The following GDPD5 variants were observed in gnomAD, a reference collection of about 807,000 sequenced individuals.
GDPD5 encodes the protein glycerophosphodiester phosphodiesterase domain containing 5, also known as glycerophosphodiester phosphodiesterase 2.
A neutral mutation model predicts 75.1 loss-of-function variants in GDPD5; 48 were observed. The ratio of observed to expected loss-of-function variants is 0.64; its 90% CI spans 0.51 to 0.81. The LOEUF is 0.81. GDPD5 is among the 40% of genes least tolerant of loss of function. The pLI, the probability that GDPD5 is intolerant of heterozygous loss-of-function variation, is 0.00. For synonymous variants in GDPD5, 336 were observed against 339.0 expected (o/e 0.99, Z 0.10); for missense variants, 706 against 822.6 (o/e 0.86, Z 1.73).
At chr11:75,481,341 C>T (rs569864607) in intron 2 of GDPD5, among the ~76,000 whole-genome samples, 88 of 152,292 alleles carry the variant, frequency 5.8e-4, no homozygotes, top group Admixed American at 4.5e-3. Flanking sequence ...CACCTCAGTG[C>T]GGAGATTACA....
At chr11:75,505,470 A>G (rs1350278729) in intron 1 of GDPD5, among the ~76,000 whole-genome samples, 1 of 152,136 alleles carries the variant, frequency 6.6e-6, no homozygotes, top group Non-Finnish European at 1.5e-5. Flanking sequence ...ACCTTGGGCC[A>G]GTCCTTTTCC....
Position 75,442,437 on chromosome 11 carries a change from C to A in GDPD5, c.1093G>T (p.Glu365Ter). Residue 365 changes from glutamate to a stop codon, truncating the protein, a stop_gained, in exon 12 of 17, where the codon GAG becomes TAG. Coordinates refer to ENST00000336898, the MANE Select transcript of GDPD5 (RefSeq NM_030792.8). LOFTEE classifies it high-confidence loss of function. ...ATAAAACTGCTGCGGTAGGGGTGCT[C>A]CCGGGGCGGGTCACGCAGGTTGAGC... ...LLLNLRDPPR[E>*]HPYRSSFINV... 1 of 1,611,500 alleles carries A rather than the reference C, an allele frequency of 6.2e-7. No homozygotes were observed. The highest frequency in any genetic ancestry group is 1.1e-5 in the South Asian group (1 of 90,566).
intron 1 of GDPD5, among the ~76,000 whole-genome samples, chr11:75,517,021 A>G (rs1223131088): frequency 1.3e-5 from 2 of 152,190 alleles, no homozygotes; most frequent in Non-Finnish European, 2.9e-5. Context: ...CTCCTTATCT[A>G]TGAGGAACAT....
intron 16 of GDPD5, among the ~76,000 whole-genome samples, 174 bp from the exon 17 acceptor site, chr11:75,435,829 G>A (rs1948611451): frequency 6.6e-6 from 1 of 152,150 alleles, no homozygotes; most frequent in Non-Finnish European, 1.5e-5. Context: ...TGTCTGCTGA[G>A]CACTCTAGCT....
At chr11:75,502,776 C>T (rs1450535517) in intron 1 of GDPD5, among the ~76,000 whole-genome samples, 10 of 152,194 alleles carry the variant, frequency 6.6e-5, no homozygotes, top group Non-Finnish European at 1.5e-5. Context: ...CGTGTAGACA[C>T]TGTGATTGCT....
chr11:75,513,110 T>C (rs1263047572), intron 1 of GDPD5, among the ~76,000 whole-genome samples: 4 of 152,094 alleles, frequency 2.6e-5, no homozygotes, highest in Non-Finnish European at 5.9e-5. Flanking sequence ...CACTTGAGGA[T>C]GGAGAGGGAG....
chr11:75,520,427 C>T (rs1372369317), intron 1 of GDPD5, among the ~76,000 whole-genome samples: 2 of 152,222 alleles, frequency 1.3e-5, no homozygotes, highest in Non-Finnish European at 2.9e-5. Context: ...ACTGCCTCCC[C>T]TGGCCCGGAG....
At chr11:75,452,578 G>T (rs1010976598) in intron 6 of GDPD5, among the ~76,000 whole-genome samples, 6 of 152,206 alleles carry the variant, frequency 3.9e-5, no homozygotes, top group African/African-American at 1.4e-4. Flanking sequence ...CTGCTGTTAT[G>T]GTGAACGCAG....
At chr11:75,450,949 C>T (rs1949129834) in intron 6 of GDPD5, 1 of 152,576 alleles carries the variant, frequency 6.6e-6, no homozygotes, top group Admixed American at 6.5e-5. Flanking sequence ...CTCCAAAGGC[C>T]TGTCCTTCTC....
In GDPD5 at chr11:75,477,747, C is replaced by T. The variant is rs1356454212; in HGVS notation, c.-12G>A. The T allele has an allele frequency of 2.6e-6, 4 of 1,534,662 alleles. No individual in the cohort carries two copies. The highest frequency in any genetic ancestry group is 1.9e-5 in the Admixed American group (1 of 53,138). ...TGGTGTCTCACCATACTCGTGCCCA[C>T]GGCCCTGGCGCCTGGCCCTCAGGCG... is the stretch of plus-strand genomic sequence containing the variant. On this transcript the variant is annotated 5_prime_UTR_variant, in exon 3 of 17. It adds an upstream start codon to the 5' untranslated region. Transcript: ENST00000336898.
intron 14 of GDPD5, among the ~76,000 whole-genome samples, chr11:75,440,346 A>G (rs565185699): frequency 6.6e-6 from 1 of 152,184 alleles, no homozygotes; most frequent in South Asian, 2.1e-4. Flanking sequence ...CCCTTTCCCC[A>G]GGCTGCCTTC....
intron 6 of GDPD5, among the ~76,000 whole-genome samples, chr11:75,452,585 G>A (rs1166191111): frequency 6.6e-6 from 1 of 152,198 alleles, no homozygotes; most frequent in East Asian, 1.9e-4. Context: ...TATGGTGAAC[G>A]CAGTGCCTGG....
At chr11:75,524,599 T>A (rs551505530) in intron 1 of GDPD5, among the ~76,000 whole-genome samples, 1 of 152,322 alleles carries the variant, frequency 6.6e-6, no homozygotes, top group African/African-American at 2.4e-5. Flanking sequence ...TACTTGGGGA[T>A]CTCTGCAGTG....
intron 9 of GDPD5, among the ~76,000 whole-genome samples, chr11:75,447,611 G>A (rs1949019433): frequency 6.6e-6 from 1 of 152,124 alleles, no homozygotes; most frequent in Non-Finnish European, 1.5e-5. Flanking sequence ...GCATATATTT[G>A]ACCTTTTTCT....
chr11:75,509,578 C>G (rs1221732033), intron 1 of GDPD5, among the ~76,000 whole-genome samples: 2 of 152,214 alleles, frequency 1.3e-5, no homozygotes, highest in South Asian at 4.1e-4. Flanking sequence ...AGTTTATAAT[C>G]CATGTTCAAA....
intron 16 of GDPD5, 89 bp from the exon 17 acceptor site, chr11:75,435,744 C>T (rs12792174): frequency 7.4e-7 from 1 of 1,343,540 alleles, no homozygotes; most frequent in Non-Finnish European, 1.0e-6. Context: ...CTGCACCACC[C>T]AGCGGGGCAC....
At chr11:75,443,108 C>T (rs1948874645) in intron 11 of GDPD5, 28 bp downstream of exon 11, 3 of 1,585,580 alleles carry the variant, frequency 1.9e-6, no homozygotes, top group Admixed American at 1.8e-5. Context: ...TTTTCCATGC[C>T]TAAGATTGGG....
intron 3 of GDPD5, among the ~76,000 whole-genome samples, chr11:75,473,405 CT>C (rs1949711753): frequency 1.3e-5 from 2 of 152,178 alleles, no homozygotes; most frequent in Middle Eastern, 3.4e-3. Context: ...ATGGGATTCA[CT>C]GTCAGACACT....
chr11:75,443,985 A>G (rs1948909321), intron 10 of GDPD5, among the ~76,000 whole-genome samples: 1 of 152,070 alleles, frequency 6.6e-6, no homozygotes, highest in South Asian at 2.1e-4. Context: ...TTCTCAGATA[A>G]CCTCTGTTAT....
Sources: gnomAD v4.1 joint callset for allele counts (sites outside exome capture counted in the v4.1 genomes callset) on GRCh38, gnomAD v4.1.1 for gene constraint, MANE v1.5 for transcripts, NCBI Gene and HGNC (gene_info 2026-07-23, HGNC 2026-07-21) for gene names.